Variants in CLASP2 observed in about 807,000 individuals in gnomAD.
The protein encoded by CLASP2 is cytoplasmic linker associated protein 2.
Under a neutral mutation model 194.4 loss-of-function variants are expected in CLASP2, and 47 were observed. The observed-to-expected ratio is 0.24, with a 90% CI of 0.19 to 0.31. The LOEUF is 0.31. CLASP2 is among the 10% of genes least tolerant of loss of function. The pLI is 1.00. For synonymous variants in CLASP2, 619 were observed against 633.5 expected, an observed-to-expected ratio of 0.98 and a Z score of 0.34; for missense variants, 1,445 against 1,823.6, an observed-to-expected ratio of 0.79 and a Z score of 3.78.
At position 33,681,809 on chromosome 3, in the gene CLASP2, T is replaced by C. The variant is rs561042958; in HGVS notation, c.644+2550A>G. On this transcript the variant is annotated intron_variant, in intron 6 of 38. Coordinates refer to ENST00000682230, the MANE Select transcript of CLASP2 (RefSeq NM_001365631.1). ...GAAATCTGATCTCTAACGTTGGAGG[T>C]GAGACCTAATGGGAGGTGTTTGGGT... is the stretch of plus-strand genomic sequence containing the variant. 5.6e-4 allele frequency among the ~76,000 whole-genome samples: 85 copies of C among 152,286 alleles called. 1 individual carries two copies. The South Asian group carries it at 0.016, about 29-fold the overall frequency.
intron 7 of CLASP2, among the ~76,000 whole-genome samples, chr3:33,655,970 T>C (rs1254853513): frequency 1.3e-5 from 2 of 152,198 alleles, no homozygotes; most frequent in Non-Finnish European, 2.9e-5. Flanking sequence ...GCCAAATTCC[T>C]CTTGCCCGCT....
At chr3:33,639,415 T>C (rs541401814) in intron 8 of CLASP2, among the ~76,000 whole-genome samples, 38 of 152,172 alleles carry the variant, frequency 2.5e-4, no homozygotes, top group Non-Finnish European at 5.0e-4. Context: ...TATATACAAA[T>C]GTAAATAGAA....
At chr3:33,664,260 G>C (rs2085796964) in intron 6 of CLASP2, among the ~76,000 whole-genome samples, 1 of 152,016 alleles carries the variant, frequency 6.6e-6, no homozygotes, top group Non-Finnish European at 1.5e-5. Context: ...AGTGAAATGG[G>C]ATAAAACTGA....
intron 7 of CLASP2, among the ~76,000 whole-genome samples, chr3:33,660,947 T>C (rs909119337): frequency 2.0e-5 from 3 of 152,194 alleles, no homozygotes; most frequent in Non-Finnish European, 2.9e-5. Context: ...AGAAGTTGAA[T>C]TAAACTCCAT....
intron 7 of CLASP2, 142 bp downstream of exon 7, chr3:33,663,303 T>G (rs891596328): frequency 8.6e-5 from 41 of 476,678 alleles, no homozygotes; most frequent in African/African-American, 6.0e-4. Flanking sequence ...ATCAGCAGGA[T>G]GTAAATATTT....
chr3:33,576,333 G>C, intron 23 of CLASP2, 58 bp from the exon 24 acceptor site: 2 of 1,408,522 alleles, frequency 1.4e-6, no homozygotes, highest in South Asian at 1.2e-5. Context: ...AACAGTGTCA[G>C]GTTGGGAAAC....
intron 8 of CLASP2, among the ~76,000 whole-genome samples, chr3:33,638,015 T>C (rs2080496218): frequency 6.6e-6 from 1 of 152,164 alleles, no homozygotes; most frequent in South Asian, 2.1e-4. Context: ...GAATACTGTA[T>C]CACTAATTAA....
chr3:33,634,215 T>G (rs189174422), intron 8 of CLASP2, among the ~76,000 whole-genome samples: 4 of 152,328 alleles, frequency 2.6e-5, no homozygotes, highest in African/African-American at 7.2e-5. Flanking sequence ...AAGAAAATAT[T>G]GGCAAAATAT....
chr3:33,520,743 T>A (rs1024154236), intron 34 of CLASP2, among the ~76,000 whole-genome samples: 1 of 151,984 alleles, frequency 6.6e-6, no homozygotes, highest in Non-Finnish European at 1.5e-5. Flanking sequence ...GAAATTAGAA[T>A]TTCCTTGGTG....
At chr3:33,503,149 G>C (rs1268626593) in intron 37 of CLASP2, 1 of 152,186 alleles carries the variant, frequency 6.6e-6, no homozygotes, top group Non-Finnish European at 1.5e-5. Context: ...TCCCAGAACA[G>C]TTAGGGAATC....
rs181418568 is a variant in CLASP2, at chr3:33,671,872, C to T, written c.645-8357G>A. Among the ~76,000 whole-genome samples, 505 of 151,960 alleles carry T rather than the reference C, an allele frequency of 3.3e-3. 15 individuals are homozygous for T. In the East Asian group the frequency reaches 0.071, roughly 21 times the overall value. ...AGCAGTCTGAGATCAAACTGCAAGGCGGCAGCGAGGCTGGGAGAGGGGTGC... is the reference window on the plus strand; with the variant it reads ...AGCAGTCTGAGATCAAACTGCAAGGTGGCAGCGAGGCTGGGAGAGGGGTGC... On this transcript the variant is annotated intron_variant, in intron 6 of 38. Transcript: ENST00000682230.
At chr3:33,653,306 G>A (rs2083543140) in intron 7 of CLASP2, among the ~76,000 whole-genome samples, 1 of 151,786 alleles carries the variant, frequency 6.6e-6, no homozygotes, top group South Asian at 2.1e-4. Flanking sequence ...CAATTTTGAG[G>A]AAATACAGGA....
intron 37 of CLASP2, among the ~76,000 whole-genome samples, chr3:33,506,377 CGAAAAAA>C (rs1270356724): frequency 1.3e-4 from 8 of 61,886 alleles, no homozygotes; most frequent in East Asian, 1.2e-3. Context: ...GACTCTGTCT[CGAAAAAA>C]AAAAAAAAAA....
In CLASP2 at chr3:33,498,623, G is replaced by A. The variant is rs759726729; in HGVS notation, c.*8C>T. The A allele has an allele frequency of 3.1e-6, 5 of 1,596,440 alleles. No homozygotes were observed. Among genetic ancestry groups the A allele is most frequent in the Non-Finnish European group, 4.3e-6 (5 of 1,165,962 alleles). Reference sequence around the variant, plus strand: ...TTTGAGAGACCTGGTTCGCTGTGATGAGCTTCACTAACTTTGTCCAGAAAC... The same window carrying A: ...TTTGAGAGACCTGGTTCGCTGTGATAAGCTTCACTAACTTTGTCCAGAAAC... On this transcript the variant is annotated 3_prime_UTR_variant, in exon 39 of 39. Coordinates refer to ENST00000682230, the MANE Select transcript of CLASP2 (RefSeq NM_001365631.1).
chr3:33,599,037 G>C (rs1446920321), intron 18 of CLASP2, among the ~76,000 whole-genome samples: 1 of 152,188 alleles, frequency 6.6e-6, no homozygotes, highest in Non-Finnish European at 1.5e-5. Flanking sequence ...ATTACAGTAA[G>C]TAAAATCATC....
intron 12 of CLASP2, among the ~76,000 whole-genome samples, chr3:33,617,062 GGAT>G (rs2076315898): frequency 6.7e-6 from 1 of 148,444 alleles, no homozygotes; most frequent in Non-Finnish European, 1.5e-5. Context: ...CAAAGGTTCT[GGAT>G]TAAGGTTGTC....
At chr3:33,675,690 A>C (rs999251903) in intron 6 of CLASP2, among the ~76,000 whole-genome samples, 2 of 147,104 alleles carry the variant, frequency 1.4e-5, no homozygotes, top group Admixed American at 1.4e-4. Context: ...AGAAAACCCC[A>C]TTGTCTCAGC....
intron 36 of CLASP2, among the ~76,000 whole-genome samples, chr3:33,514,915 CCA>C (rs1478980996): frequency 6.6e-6 from 1 of 151,946 alleles, no homozygotes; most frequent in Non-Finnish European, 1.5e-5. Flanking sequence ...ATAATGGCAT[CCA>C]CAGCAACCTG....
Position 33,517,187 on chromosome 3 carries a change from C to CA in CLASP2, c.3788-14dup, listed in dbSNP as rs778564120. Reference sequence around the variant, plus strand: ...TCTAGGGAAAGATCTGTCAAAAGGACATGGTATTAGTTCTATAACTTTATA... The same window carrying CA: ...TCTAGGGAAAGATCTGTCAAAAGGACAATGGTATTAGTTCTATAACTTTATA... On this transcript the variant is annotated splice_polypyrimidine_tract_variant and intron_variant, in intron 34 of 38. Transcript: ENST00000682230. The CA allele has an allele frequency of 6.2e-7, 1 of 1,602,938 alleles. No homozygotes were observed. Among genetic ancestry groups the CA allele is most frequent in the Non-Finnish European group, 8.5e-7 (1 of 1,175,914 alleles).
Sources: allele counts gnomAD v4.1 joint callset (sites outside exome capture counted in the v4.1 genomes callset), GRCh38; gene constraint gnomAD v4.1.1; transcripts MANE v1.5; gene names NCBI Gene and HGNC (gene_info 2026-07-23, HGNC 2026-07-21).